PSMG2: variants seen among roughly 807,000 people sequenced by gnomAD.
PSMG2 encodes the protein proteasome assembly chaperone 2.
PSMG2 carries 21 observed loss-of-function variants against 31.5 expected under a neutral mutation model. That is an observed-to-expected ratio of 0.67 (90% CI 0.47 to 0.96). The LOEUF (loss-of-function observed/expected upper bound fraction) is 0.96. PSMG2 is among the 40% of genes least tolerant of loss of function. The probability of loss-of-function intolerance (pLI) is 0.00; values close to 1 mark genes in which losing one functional copy is unlikely to be tolerated. For missense variants in PSMG2, 318 were observed against 321.2 expected (o/e 0.99, Z 0.08); for synonymous variants, 120 against 110.4 (o/e 1.09, Z -0.54).
At chr18:12,694,723 T>C (rs1303823459) in intron 1 of PSMG2, among the ~76,000 whole-genome samples, 2 of 149,146 alleles carry the variant, frequency 1.3e-5, no homozygotes, top group Non-Finnish European at 3.0e-5. Flanking sequence ...TTTTTTTTTC[T>C]TTTTTTGAGA....
intron 1 of PSMG2, among the ~76,000 whole-genome samples, chr18:12,679,817 C>G (rs1186612646): frequency 6.6e-6 from 1 of 151,910 alleles, no homozygotes; most frequent in East Asian, 1.9e-4. Flanking sequence ...AATCTCAGCA[C>G]TTTGGAAGGC....
chr18:12,685,146 A>T (rs1368081710), intron 1 of PSMG2: 1 of 152,014 alleles, frequency 6.6e-6, no homozygotes, highest in African/African-American at 2.4e-5. Context: ...GATTACAGGC[A>T]CGTGCCACCA....
intron 1 of PSMG2, among the ~76,000 whole-genome samples, chr18:12,690,061 T>C (rs1009246763): frequency 4.6e-5 from 7 of 150,764 alleles, no homozygotes; most frequent in African/African-American, 1.7e-4. Context: ...AGTGCTGGGA[T>C]TACAGGCGTG....
intron 1 of PSMG2, among the ~76,000 whole-genome samples, chr18:12,690,098 G>C (rs2039699333): frequency 6.6e-6 from 1 of 151,880 alleles, no homozygotes; most frequent in Non-Finnish European, 1.5e-5. Context: ...CAGGAAGCCA[G>C]TTACATTTTG....
At chr18:12,681,884 T>A (rs2039361967) in intron 1 of PSMG2, among the ~76,000 whole-genome samples, 1 of 151,888 alleles carries the variant, frequency 6.6e-6, no homozygotes, top group African/African-American at 2.4e-5. Context: ...TAATCCCAGC[T>A]ACTCAGGAGG....
At chr18:12,671,638 CTT>C (rs955356870) in intron 1 of PSMG2, among the ~76,000 whole-genome samples, 5 of 82,930 alleles carry the variant, frequency 6.0e-5, no homozygotes, top group Non-Finnish European at 1.1e-4. Context: ...AGGTTTCACA[CTT>C]TCTTTTTTTT....
chr18:12,684,576 G>A (rs1450788813), intron 1 of PSMG2: 2 of 151,870 alleles, frequency 1.3e-5, no homozygotes, highest in African/African-American at 4.8e-5. Flanking sequence ...CACCTCCCAG[G>A]TTCAAGTGAT....
At chr18:12,691,203 G>T in intron 1 of PSMG2, 1 of 493,478 alleles carries the variant, frequency 2.0e-6, no homozygotes, top group Non-Finnish European at 3.5e-6. Flanking sequence ...CACTCACTAT[G>T]CAGTGAAAGA....
intron 1 of PSMG2, among the ~76,000 whole-genome samples, chr18:12,675,318 T>C (rs1971702): frequency 0.39 from 59,470 of 151,570 alleles, 12,051 homozygotes; most frequent in Non-Finnish European, 0.45. Context: ...ATGGTATGAA[T>C]CCGGGAGGCA....
At position 12,720,824 on chromosome 18, in the gene PSMG2, A is replaced by G. The variant is rs1038603617; in HGVS notation, c.581+141A>G. Reference sequence around the variant, plus strand: ...CAAACAAAAAACAACAACAAAAAAAACAAAATTAAGTCAGAGAATGTATTG... The same window carrying G: ...CAAACAAAAAACAACAACAAAAAAAGCAAAATTAAGTCAGAGAATGTATTG... On this transcript the variant is annotated intron_variant, in intron 5 of 6. Transcript: ENST00000317615. 9.0e-6 allele frequency: 8 copies of G among 884,100 alleles called. No individual in the cohort carries two copies. In the South Asian group the frequency reaches 1.3e-4, roughly 15 times the overall value. 54.8% of individuals were successfully genotyped at this position (884,100 alleles called of 1,614,324 possible). A position where few individuals can be genotyped will look rare whatever the true frequency, so the allele number is the denominator to read the frequency against.
chr18:12,689,679 C>A (rs1468954495), intron 1 of PSMG2, among the ~76,000 whole-genome samples: 3 of 152,272 alleles, frequency 2.0e-5, no homozygotes, highest in African/African-American at 7.2e-5. Context: ...TTCACTGCCT[C>A]ACTCCATCCT....
intron 1 of PSMG2, among the ~76,000 whole-genome samples, chr18:12,684,059 C>T (rs1462370682): frequency 2.0e-5 from 3 of 151,164 alleles, no homozygotes; most frequent in Non-Finnish European, 4.4e-5. Context: ...GAGTCTTGCT[C>T]TGTCGTCCAG....
chr18:12,719,111 A>G (rs910712927), intron 4 of PSMG2, among the ~76,000 whole-genome samples: 9 of 152,162 alleles, frequency 5.9e-5, no homozygotes, highest in African/African-American at 1.7e-4. Context: ...GGGTCTAGCT[A>G]TGTTGCCCAG....
At chr18:12,702,877 C>T, upstream of PSMG2, 2 of 575,972 alleles carry the variant, frequency 3.5e-6, no homozygotes, top group Admixed American at 3.5e-5. Flanking sequence ...CATCGCCTTG[C>T]TTGCCAGGGT....
intron 1 of PSMG2, among the ~76,000 whole-genome samples, chr18:12,679,731 T>G (rs2039278449): frequency 6.6e-6 from 1 of 152,122 alleles, no homozygotes; most frequent in African/African-American, 2.4e-5. Flanking sequence ...CATTTACAAC[T>G]TGAACTTATT....
chr18:12,666,989 A>G (rs930805936), intron 1 of PSMG2, among the ~76,000 whole-genome samples: 6 of 152,108 alleles, frequency 3.9e-5, no homozygotes, highest in Non-Finnish European at 1.5e-5. Context: ...ATAAATCTCA[A>G]TCTGATTCTG....
At chr18:12,699,506 C>T (rs933210675), upstream of PSMG2, among the ~76,000 whole-genome samples, 4 of 152,130 alleles carry the variant, frequency 2.6e-5, no homozygotes, top group African/African-American at 9.7e-5. Flanking sequence ...CATTCCTCCA[C>T]CTTCACAAAC....
intron 3 of PSMG2, among the ~76,000 whole-genome samples, chr18:12,716,083 C>T (rs574106640): frequency 2.6e-5 from 4 of 152,208 alleles, no homozygotes; most frequent in African/African-American, 7.2e-5. Flanking sequence ...ATAGTTCATT[C>T]GTTCTCATTT....
At chr18:12,705,359 C>T (rs908633159) in intron 1 of PSMG2, among the ~76,000 whole-genome samples, 7 of 152,068 alleles carry the variant, frequency 4.6e-5, no homozygotes, top group South Asian at 2.1e-4. Context: ...ACACCATGCC[C>T]GGCGCCCTTT....
Sources: allele counts gnomAD v4.1 joint callset (sites outside exome capture counted in the v4.1 genomes callset), GRCh38; gene constraint gnomAD v4.1.1; transcripts MANE v1.5; gene names NCBI Gene and HGNC (gene_info 2026-07-23, HGNC 2026-07-21).